HDAC4: variants seen among roughly 807,000 people sequenced by gnomAD.
HDAC4 encodes histone deacetylase A.
A neutral mutation model predicts 135.1 loss-of-function variants in HDAC4; 16 were observed. The observed-to-expected ratio is 0.12, with a 90% CI of 0.08 to 0.18. HDAC4 has a LOEUF of 0.18. HDAC4 is among the 10% of genes least tolerant of loss of function. HDAC4 has a pLI of 1.00. For synonymous variants in HDAC4, 685 were observed against 653.4 expected, an observed-to-expected ratio of 1.05 and a Z score of -0.74; for missense variants, 1,143 against 1,511.8, an observed-to-expected ratio of 0.76 and a Z score of 4.05.
chr2:239,346,794 C>T (rs994413226), intron 2 of HDAC4, among the ~76,000 whole-genome samples: 8 of 84,462 alleles, frequency 9.5e-5, no homozygotes, highest in Admixed American at 8.1e-4. Flanking sequence ...CACCGTCTCA[C>T]ACACACACAC....
chr2:239,196,549 A>G (rs948691232), intron 3 of HDAC4, among the ~76,000 whole-genome samples: 3 of 152,226 alleles, frequency 2.0e-5, no homozygotes, highest in Non-Finnish European at 4.4e-5. Context: ...CCGGGACAGG[A>G]CAGTCTCGAG....
intron 3 of HDAC4, among the ~76,000 whole-genome samples, chr2:239,219,293 A>C (rs1320932989): frequency 6.6e-6 from 1 of 152,166 alleles, no homozygotes; most frequent in Non-Finnish European, 1.5e-5. Context: ...GCAGCCATAA[A>C]AAATGATGAC....
chr2:239,071,978 G>A (rs936295371), intron 22 of HDAC4, among the ~76,000 whole-genome samples: 1 of 152,178 alleles, frequency 6.6e-6, no homozygotes, highest in African/African-American at 2.4e-5. Context: ...GCAGCTGGGG[G>A]CTTCATCTTC....
intron 2 of HDAC4, among the ~76,000 whole-genome samples, chr2:239,302,348 T>C (rs1428759436): frequency 1.3e-5 from 2 of 152,216 alleles, no homozygotes; most frequent in African/African-American, 2.4e-5. Context: ...CAAATTCTTC[T>C]GGCTACTCAA....
At chr2:239,346,735 AAC>A (rs773549599) in intron 2 of HDAC4, among the ~76,000 whole-genome samples, 4 of 139,294 alleles carry the variant, frequency 2.9e-5, no homozygotes, top group Non-Finnish European at 4.7e-5. Context: ...CACGCTCTAA[AAC>A]ACACCCTGAC....
chr2:239,278,914 C>T (rs569310257), intron 2 of HDAC4, among the ~76,000 whole-genome samples: 4 of 152,222 alleles, frequency 2.6e-5, no homozygotes, highest in East Asian at 1.9e-4. Flanking sequence ...CTCAGGAGGG[C>T]GCCTGGAGCC....
intron 24 of HDAC4, among the ~76,000 whole-genome samples, chr2:239,057,206 T>G (rs939523400): frequency 3.9e-5 from 6 of 152,232 alleles, no homozygotes; most frequent in African/African-American, 1.4e-4. Flanking sequence ...ATCTCTACAA[T>G]GTTTCTGTAA....
chr2:239,316,041 A>C (rs184720834), intron 2 of HDAC4, among the ~76,000 whole-genome samples: 1 of 152,338 alleles, frequency 6.6e-6, no homozygotes, highest in African/African-American at 2.4e-5. Context: ...AAACTGTGTG[A>C]ACAGAGACCA....
At chr2:239,156,348 G>A (rs931461503) in intron 7 of HDAC4, among the ~76,000 whole-genome samples, 6 of 152,182 alleles carry the variant, frequency 3.9e-5, no homozygotes, top group Non-Finnish European at 5.9e-5. Flanking sequence ...CTGCGGGGAC[G>A]CCCCTCAGTG....
intron 2 of HDAC4, among the ~76,000 whole-genome samples, chr2:239,346,791 TCACA>T (rs752406142): frequency 4.2e-5 from 3 of 71,154 alleles, no homozygotes; most frequent in East Asian, 2.9e-4. Flanking sequence ...ATACACCGTC[TCACA>T]CACACACACC....
intron 3 of HDAC4, among the ~76,000 whole-genome samples, chr2:239,210,474 T>C (rs2046304349): frequency 6.6e-6 from 1 of 152,224 alleles, no homozygotes; most frequent in South Asian, 2.1e-4. Flanking sequence ...AACTCAGTGC[T>C]AAACCCTATT....
chr2:239,216,105 T>A (rs974175483), intron 3 of HDAC4, among the ~76,000 whole-genome samples: 1 of 152,176 alleles, frequency 6.6e-6, no homozygotes, highest in African/African-American at 2.4e-5. Flanking sequence ...CTTTTACATT[T>A]TAATTAGGGC....
intron 2 of HDAC4, among the ~76,000 whole-genome samples, chr2:239,334,788 C>T (rs191305189): frequency 3.3e-5 from 5 of 151,984 alleles, no homozygotes; most frequent in African/African-American, 7.2e-5. Flanking sequence ...TTTGGGAGGC[C>T]GAGGCAGGTG....
chr2:239,122,565 T>C (rs1435198333), intron 12 of HDAC4, among the ~76,000 whole-genome samples: 2 of 152,130 alleles, frequency 1.3e-5, no homozygotes, highest in African/African-American at 2.4e-5. Context: ...GCTGACACAG[T>C]TGGAAAACAT....
At chr2:239,359,775 G>A (rs933417165) in intron 1 of HDAC4, among the ~76,000 whole-genome samples, 1 of 152,200 alleles carries the variant, frequency 6.6e-6, no homozygotes, top group African/African-American at 2.4e-5. Flanking sequence ...GCGATTTAGA[G>A]AGGAAGCAGA....
chr2:239,188,613 G>A lies in HDAC4; in HGVS notation c.339+1220C>T, dbSNP rs754192520. On this transcript the variant is annotated intron_variant, in intron 4 of 26. Transcript: ENST00000543185. Reference sequence around the variant, plus strand: ...CTGTCCAACAGTTGCCACGAACCACGTGTGGCTCGAAATGCGGCTGGCCTG... The same window carrying A: ...CTGTCCAACAGTTGCCACGAACCACATGTGGCTCGAAATGCGGCTGGCCTG... Among the ~76,000 whole-genome samples, 7 of 152,250 alleles carry A rather than the reference G, an allele frequency of 4.6e-5. No individual in the cohort carries two copies. The South Asian group carries it at 6.2e-4, about 14-fold the overall frequency.
chr2:239,084,326 G>T, intron 19 of HDAC4, 84 bp from the exon 20 acceptor site: 2 of 916,522 alleles, frequency 2.2e-6, no homozygotes, highest in South Asian at 1.4e-5. Context: ...GCCACTCGGG[G>T]TCCACGCAGA....
At chr2:239,378,102 C>T (rs569341744) in intron 1 of HDAC4, among the ~76,000 whole-genome samples, 5 of 152,242 alleles carry the variant, frequency 3.3e-5, no homozygotes, top group Admixed American at 2.0e-4. Flanking sequence ...GGAATGCCAG[C>T]GGCAGGTGGG....
chr2:239,321,026 A>G (rs567351970), intron 2 of HDAC4, among the ~76,000 whole-genome samples: 11 of 152,350 alleles, frequency 7.2e-5, no homozygotes, highest in African/African-American at 2.6e-4. Flanking sequence ...TTGATAACGA[A>G]TAACTACATA....
Sources: gnomAD v4.1 joint callset for allele counts (sites outside exome capture counted in the v4.1 genomes callset) on GRCh38, gnomAD v4.1.1 for gene constraint, MANE v1.5 for transcripts, NCBI Gene and HGNC (gene_info 2026-07-23, HGNC 2026-07-21) for gene names.